RAB11FIP3: variants seen among roughly 807,000 people sequenced by gnomAD.
The protein encoded by RAB11FIP3 is RAB11 family interacting protein 3.
Under a neutral mutation model 77.8 loss-of-function variants are expected in RAB11FIP3, and 17 were observed. The ratio of observed to expected loss-of-function variants is 0.22; its 90% confidence interval spans 0.15 to 0.33. The LOEUF is 0.33. Ranked by LOEUF, RAB11FIP3 falls within the 10% of genes least tolerant of loss-of-function variation. RAB11FIP3 has a pLI of 1.00. For synonymous variants in RAB11FIP3, 437 were observed against 448.2 expected, an observed-to-expected ratio of 0.98 and a Z score of 0.31; for missense variants, 1,005 against 1,011.2, an observed-to-expected ratio of 0.99 and a Z score of 0.08.
chr16:428,108 A>AAC (rs939585014), intron 1 of RAB11FIP3, among the ~76,000 whole-genome samples: 8 of 151,764 alleles, frequency 5.3e-5, no homozygotes, highest in Middle Eastern at 3.4e-3. Flanking sequence ...CTCAAAAAAA[A>AAC]AAAACAGCAA....
At chr16:430,563 C>G (rs906306517) in intron 1 of RAB11FIP3, among the ~76,000 whole-genome samples, 15 of 151,994 alleles carry the variant, frequency 9.9e-5, no homozygotes, top group Non-Finnish European at 2.1e-4. Flanking sequence ...CCTTTTTGTT[C>G]GTTTGTTTTG....
intron 1 of RAB11FIP3, among the ~76,000 whole-genome samples, chr16:432,499 G>A (rs1485863170): frequency 1.3e-5 from 2 of 151,700 alleles, no homozygotes; most frequent in Non-Finnish European, 2.9e-5. Flanking sequence ...TATTTAATAT[G>A]TAAATTAAAA....
intron 6 of RAB11FIP3, among the ~76,000 whole-genome samples, chr16:498,464 C>G (rs1053616964): frequency 2.6e-5 from 4 of 152,200 alleles, no homozygotes; most frequent in Non-Finnish European, 4.4e-5. Flanking sequence ...CATGAGCCGT[C>G]ACACCTGGCC....
chr16:484,842 T>A (rs552374867), intron 4 of RAB11FIP3, among the ~76,000 whole-genome samples: 2 of 152,284 alleles, frequency 1.3e-5, no homozygotes, highest in African/African-American at 4.8e-5. Context: ...CTAAGCAGGA[T>A]GGTCATCGGG....
Position 461,588 on chromosome 16 carries a change from ACT to A in RAB11FIP3, c.808+94_808+95del, listed in dbSNP as rs2055606287. 3.8e-6 allele frequency: 4 copies of A among 1,050,446 alleles called. No individual in the cohort carries two copies. Among genetic ancestry groups the A allele is most frequent in the African/African-American group, 1.6e-5 (1 of 62,692 alleles). 65.1% of individuals were successfully genotyped at this position (1,050,446 alleles called of 1,614,324 possible). A position where few individuals can be genotyped will look rare whatever the true frequency, so the allele number is the denominator to read the frequency against. ...GCACATCACCAGGCTCCTCGTGCTG[ACT>A]CTAACATCTTTCCTTCTCCTTGAAG... is the stretch of plus-strand genomic sequence containing the variant. On this transcript the variant is annotated intron_variant, in intron 2 of 13. Coordinates refer to ENST00000262305, the MANE Select transcript of RAB11FIP3 (RefSeq NM_014700.4). The surrounding 1 kb of genome is among the most constrained non-coding windows in gnomAD (Gnocchi z 4.5).
At chr16:473,235 C>T (rs1019268177) in intron 3 of RAB11FIP3, among the ~76,000 whole-genome samples, 3 of 152,184 alleles carry the variant, frequency 2.0e-5, no homozygotes, top group Admixed American at 6.5e-5. Flanking sequence ...CCGAGCCTCA[C>T]GCTTGTCACT....
At chr16:449,530 C>T (rs997213224) in intron 1 of RAB11FIP3, among the ~76,000 whole-genome samples, 9 of 151,924 alleles carry the variant, frequency 5.9e-5, no homozygotes, top group Admixed American at 2.0e-4. Flanking sequence ...CCTGTAGTCC[C>T]AGCTACTCAG....
intron 1 of RAB11FIP3, among the ~76,000 whole-genome samples, chr16:435,000 T>C (rs1450524415): frequency 1.3e-5 from 2 of 152,066 alleles, no homozygotes; most frequent in Non-Finnish European, 2.9e-5. Flanking sequence ...GGTCAAGAGA[T>C]CGAGACTAGC....
In RAB11FIP3 at chr16:505,630, G is replaced by C; in HGVS notation, c.1499+3G>C. ...GAGAACCTGCAGCTGGTGCACAGGT[G>C]AGCCTGGGCCAGGAGACCCGGGCCT... On this transcript the variant is annotated splice_donor_region_variant and intron_variant, in intron 8 of 13. Transcript: ENST00000262305. This position sits in a 1 kb window ranked among gnomAD's most constrained non-coding sequence, Gnocchi z 4.0. The C allele has an allele frequency of 1.9e-6, 3 of 1,590,768 alleles. No individual in the cohort carries two copies. Among genetic ancestry groups the C allele is most frequent in the Non-Finnish European group, 2.6e-6 (3 of 1,175,344 alleles).
chr16:501,478 CAAGG>C (rs1332408664), intron 6 of RAB11FIP3, among the ~76,000 whole-genome samples: 1 of 143,084 alleles, frequency 7.0e-6, no homozygotes, highest in African/African-American at 2.6e-5. Flanking sequence ...ATTTCATAGG[CAAGG>C]AAGCTGGGAG....
chr16:473,350 A>G (rs542442219), intron 3 of RAB11FIP3, among the ~76,000 whole-genome samples: 41 of 152,358 alleles, frequency 2.7e-4, no homozygotes, highest in Middle Eastern at 3.4e-3. Context: ...AAAAAAATGA[A>G]TATGCTTCAT....
chr16:517,222 C>T (rs547942440), intron 9 of RAB11FIP3, among the ~76,000 whole-genome samples: 142 of 152,258 alleles, frequency 9.3e-4, no homozygotes, highest in Non-Finnish European at 1.7e-3. Flanking sequence ...CCGTCAAGGT[C>T]GGAAAACACA....
At chr16:491,798 G>C (rs988583488) in intron 5 of RAB11FIP3, among the ~76,000 whole-genome samples, 2 of 152,142 alleles carry the variant, frequency 1.3e-5, no homozygotes, top group African/African-American at 2.4e-5. Context: ...TGACGTGCCC[G>C]TTGGGCATCG....
At chr16:466,535 C>G (rs2055704163) in intron 2 of RAB11FIP3, among the ~76,000 whole-genome samples, 1 of 152,212 alleles carries the variant, frequency 6.6e-6, no homozygotes, top group African/African-American at 2.4e-5. Flanking sequence ...AATGAAGCCT[C>G]TAGCCTGGCC....
chr16:489,800 C>T (rs1484444169), intron 5 of RAB11FIP3, among the ~76,000 whole-genome samples: 1 of 118,202 alleles, frequency 8.5e-6, no homozygotes, highest in Non-Finnish European at 1.9e-5. Flanking sequence ...CTCGTCTGCC[C>T]ATAGGGTCCC....
Position 511,522 on chromosome 16 carries a change from GCCA to G in RAB11FIP3, c.1640+723_1640+725del, listed in dbSNP as rs1362355074. 3.8e-4 allele frequency among the ~76,000 whole-genome samples: 40 copies of G among 104,558 alleles called. 1 individual carries two copies. Among genetic ancestry groups the G allele is most frequent in the African/African-American group, 1.7e-3 (40 of 23,968 alleles). 68.6% of individuals were successfully genotyped at this position (104,558 alleles called of 152,430 possible). A position where few individuals can be genotyped will look rare whatever the true frequency, so the allele number is the denominator to read the frequency against. ...GGCCCGCCAACCCCAGAACCTGCAG[GCCA>G]GGTAGGAGAAGTTCCCCGACGGCCC... On this transcript the variant is annotated intron_variant, in intron 9 of 13. Coordinates refer to ENST00000262305, the MANE Select transcript of RAB11FIP3 (RefSeq NM_014700.4).
At chr16:519,916 C>T (rs1284519460) in intron 11 of RAB11FIP3, 25 bp downstream of exon 11, 21 of 1,558,528 alleles carry the variant, frequency 1.3e-5, no homozygotes, top group Non-Finnish European at 1.8e-5. Flanking sequence ...TGCCCCACGC[C>T]CAGTCCTGCG....
intron 9 of RAB11FIP3, among the ~76,000 whole-genome samples, chr16:511,453 G>A (rs138334409): frequency 2.9e-4 from 35 of 121,378 alleles, no homozygotes; most frequent in African/African-American, 1.0e-3. Context: ...CCGACAGTCC[G>A]CCAACCCCAG....
At chr16:465,914 TCA>T (rs2141664760) in intron 2 of RAB11FIP3, among the ~76,000 whole-genome samples, 1 of 152,214 alleles carries the variant, frequency 6.6e-6, no homozygotes, top group East Asian at 1.9e-4. Flanking sequence ...CAGCAGTGGT[TCA>T]TTTTCTAGTG....
Sources: gnomAD v4.1 joint callset for allele counts (sites outside exome capture counted in the v4.1 genomes callset) on GRCh38, gnomAD v4.1.1 for gene constraint, Gnocchi (gnomAD v3.1) non-coding constraint, MANE v1.5 for transcripts, NCBI Gene and HGNC (gene_info 2026-07-23, HGNC 2026-07-21) for gene names.